CEP85L: variants seen among roughly 807,000 people sequenced by gnomAD.
The protein encoded by CEP85L is centrosomal protein of 85 kDa-like.
Under a neutral mutation model 100.3 loss-of-function variants are expected in CEP85L, and 60 were observed. The observed-to-expected ratio is 0.60, with a 90% CI of 0.49 to 0.74. CEP85L has a LOEUF of 0.74. Among genes scored for constraint, CEP85L ranks in the 30% least tolerant of loss-of-function variants. The pLI, the probability that CEP85L is intolerant of heterozygous loss-of-function variation, is 0.00. For missense variants in CEP85L, 973 were observed against 936.2 expected, an observed-to-expected ratio of 1.04 and a Z score of -0.51; for synonymous variants, 319 against 322.7, an observed-to-expected ratio of 0.99 and a Z score of 0.12.
At chr6:118,516,410 ATC>A (rs1165017914) in intron 4 of CEP85L, among the ~76,000 whole-genome samples, 7 of 152,180 alleles carry the variant, frequency 4.6e-5, no homozygotes, top group African/African-American at 1.7e-4. Context: ...CCTCTCCAGC[ATC>A]TGTTGTTTCC....
intron 2 of CEP85L, among the ~76,000 whole-genome samples, chr6:118,614,865 CAGATAGAT>C (rs57663206): frequency 0.035 from 5,315 of 149,876 alleles, 306 homozygotes; most frequent in African/African-American, 0.12. Flanking sequence ...GACAGACAGA[CAGATAGAT>C]AGATAGATAG....
chr6:118,504,436 A>C (rs1237127111), intron 5 of CEP85L, among the ~76,000 whole-genome samples: 1 of 152,194 alleles, frequency 6.6e-6, no homozygotes, highest in African/African-American at 2.4e-5. Context: ...AAAAATAATA[A>C]TACTAGGTCT....
intron 12 of CEP85L, among the ~76,000 whole-genome samples, chr6:118,468,293 C>G (rs1379745475): frequency 1.3e-5 from 2 of 152,098 alleles, no homozygotes; most frequent in East Asian, 3.9e-4. Flanking sequence ...TGAAACAAAA[C>G]CAGTATTATT....
At chr6:118,549,703 CTT>C (rs1778426728) in intron 3 of CEP85L, among the ~76,000 whole-genome samples, 1 of 151,720 alleles carries the variant, frequency 6.6e-6, no homozygotes, top group African/African-American at 2.4e-5. Context: ...GTGTAGGTGT[CTT>C]ATGTTATTTG....
At chr6:118,505,801 T>C (rs1775620109) in intron 5 of CEP85L, among the ~76,000 whole-genome samples, 1 of 152,170 alleles carries the variant, frequency 6.6e-6, no homozygotes, top group African/African-American at 2.4e-5. Context: ...CATGATACGA[T>C]AATGGTGGAT....
intron 2 of CEP85L, among the ~76,000 whole-genome samples, chr6:118,583,105 C>T (rs1780664716): frequency 6.6e-6 from 1 of 152,196 alleles, no homozygotes; most frequent in African/African-American, 2.4e-5. Context: ...CAGCCTGTGG[C>T]GGAGACCACT....
rs556601998 is a variant in CEP85L at position 118,702,882 on chromosome 6, G to C, written c.-28+7154C>G. Among the ~76,000 whole-genome samples, 28 of 151,832 alleles carry C rather than the reference G, an allele frequency of 1.8e-4. 1 individual carries two copies. In the East Asian group the frequency reaches 5.4e-3, roughly 29 times the overall value. On this transcript the variant is annotated intron_variant, in intron 1 of 13. Coordinates refer to the CEP85L transcript ENST00000368488. ...TTGGTGGCGGGCGCCTGTAGTCCCA[G>C]CTACTCGGGAGGCTGAGGCAGGAGA... is the stretch of plus-strand genomic sequence containing the variant.
At chr6:118,688,846 C>T (rs1776932709) in intron 1 of CEP85L, among the ~76,000 whole-genome samples, 2 of 151,976 alleles carry the variant, frequency 1.3e-5, no homozygotes, top group South Asian at 4.1e-4. Flanking sequence ...TTCCATTTTT[C>T]TGCCTTGGGC....
In CEP85L at chr6:118,547,250, G is replaced by A. The variant is rs540239411; in HGVS notation, c.1020+18279C>T. ...AACAGAGAAGAGGAGAATGATGCCC[G>A]GCTTTACAAAAAAATTATTTCCCCA... On this transcript the variant is annotated intron_variant, in intron 3 of 12. Transcript: ENST00000368491. 9.2e-5 allele frequency among the ~76,000 whole-genome samples: 14 copies of A among 152,040 alleles called. No individual in the cohort carries two copies. The South Asian group carries it at 1.7e-3, about 18-fold the overall frequency.
At chr6:118,608,136 CT>C (rs768268563) in intron 2 of CEP85L, among the ~76,000 whole-genome samples, 2 of 152,116 alleles carry the variant, frequency 1.3e-5, no homozygotes, top group African/African-American at 2.4e-5. Flanking sequence ...CAGTATGTGT[CT>C]TTTTTATTTT....
chr6:118,698,039 A>G, intron 1 of CEP85L, among the ~76,000 whole-genome samples: 1 of 152,184 alleles, frequency 6.6e-6, no homozygotes, highest in Non-Finnish European at 1.5e-5. Flanking sequence ...TAAGGGCCAT[A>G]TAAAAAAAGC....
intron 1 of CEP85L, among the ~76,000 whole-genome samples, chr6:118,672,814 A>AAGGAGGAGGAAGAGGAGGAGGAGGAAG (rs1776354727): frequency 7.3e-6 from 1 of 136,434 alleles, no homozygotes; most frequent in Non-Finnish European, 1.7e-5. Context: ...GAGGAAGGAG[A>AAGGAGGAGGAAGAGGAGGAGGAGGAAG]AGGAGGAGGA....
intron 2 of CEP85L, among the ~76,000 whole-genome samples, chr6:118,594,990 G>C (rs1186931554): frequency 6.6e-6 from 1 of 151,768 alleles, no homozygotes; most frequent in Non-Finnish European, 1.5e-5. Flanking sequence ...GGAAGGTTAC[G>C]AGCCAAGCCT....
At chr6:118,630,338 G>A (rs1275228012) in intron 2 of CEP85L, among the ~76,000 whole-genome samples, 1 of 152,144 alleles carries the variant, frequency 6.6e-6, no homozygotes, top group Non-Finnish European at 1.5e-5. Context: ...AATTTCTGCT[G>A]AGACTATGCC....
intron 3 of CEP85L, 35 bp downstream of exon 3, chr6:118,565,494 C>G: frequency 1.3e-6 from 2 of 1,598,920 alleles, no homozygotes; most frequent in Non-Finnish European, 1.7e-6. Context: ...ATAACATCCA[C>G]TGGAGGGAAG....
intron 1 of CEP85L, among the ~76,000 whole-genome samples, chr6:118,676,949 G>A (rs13214017): frequency 0.017 from 2,556 of 152,156 alleles, 29 homozygotes; most frequent in Non-Finnish European, 0.027. Context: ...TAGAGATACT[G>A]AGCATTTTTT....
chr6:118,577,417 T>C (rs1259816396), intron 2 of CEP85L, among the ~76,000 whole-genome samples: 2 of 152,314 alleles, frequency 1.3e-5, no homozygotes, highest in Admixed American at 6.5e-5. Context: ...CACGGGTCCT[T>C]TGACCCTCAC....
At chr6:118,606,171 C>T (rs867836719) in intron 2 of CEP85L, among the ~76,000 whole-genome samples, 12 of 152,076 alleles carry the variant, frequency 7.9e-5, no homozygotes, top group East Asian at 3.9e-4. Context: ...TCCATTTTTA[C>T]GTAAGCTGAC....
At position 118,589,097 on chromosome 6, in the gene CEP85L, A is replaced by G. The variant is rs1444155637; in HGVS notation, c.233-22781T>C. 1.5e-4 allele frequency: 47 copies of G among 317,970 alleles called. No individual in the cohort carries two copies. The Admixed American group carries it at 1.5e-3, about 10-fold the overall frequency. 19.7% of individuals were successfully genotyped at this position (317,970 alleles called of 1,614,324 possible). ...GAACGGAGACAGCACCTTTGCAAAGAGACCCAGGGATGATGCTCAGATATC... is the reference window on the plus strand; with the variant it reads ...GAACGGAGACAGCACCTTTGCAAAGGGACCCAGGGATGATGCTCAGATATC... On this transcript the variant is annotated intron_variant, in intron 2 of 12. Transcript: ENST00000368491.
Sources: allele counts gnomAD v4.1 joint callset (sites outside exome capture counted in the v4.1 genomes callset), GRCh38; gene constraint gnomAD v4.1.1; transcripts MANE v1.5; gene names NCBI Gene and HGNC (gene_info 2026-07-23, HGNC 2026-07-21).